The following CUL9 variants were observed in gnomAD, a reference collection of about 807,000 sequenced individuals.
CUL9 encodes cullin 9.
A neutral mutation model predicts 272.6 loss-of-function variants in CUL9; 79 were observed. The observed-to-expected ratio is 0.29, with a 90% confidence interval of 0.24 to 0.35. The LOEUF is 0.35. Among genes scored for constraint, CUL9 ranks in the 10% least tolerant of loss-of-function variants. The pLI, the probability that CUL9 is intolerant of heterozygous loss-of-function variation, is 1.00. For missense variants in CUL9, 2,532 were observed against 3,255.6 expected (o/e 0.78, Z 5.41); for synonymous variants, 1,186 against 1,286.5 (o/e 0.92, Z 1.67).
chr6:43,193,225 T>C lies in CUL9; in HGVS notation c.2388+17T>C. The C allele has an allele frequency of 6.2e-7, 1 of 1,610,942 alleles. No homozygotes were observed. The highest frequency in any genetic ancestry group is 8.5e-7 in the Non-Finnish European group (1 of 1,177,432). On this transcript the variant is annotated intron_variant, in intron 9 of 40. Transcript: ENST00000252050. ...GGGCTGGCGGTGAGTACATTGGGCC[T>C]GGCGGGAGAGAACAATGGGCAAGAC...
Position 43,213,288 on chromosome 6 carries a change from G to A in CUL9, c.5352G>A (p.Gln1784=), listed in dbSNP as rs772518404. 6.2e-7 allele frequency: 1 copy of A among 1,613,842 alleles called. No homozygotes were observed. The highest frequency in any genetic ancestry group is 1.1e-5 in the South Asian group (1 of 91,054). The part of the protein sequence containing the change: ...VQMWLLLKFN[Q]TEEVSVETLL... ...TGTGGCTGCTGCTGAAATTCAATCAGACAGAGGTGCTTCAGCCCTTAGCCT... is the reference window on the plus strand; with the variant it reads ...TGTGGCTGCTGCTGAAATTCAATCAAACAGAGGTGCTTCAGCCCTTAGCCT... Residue 1784 remains glutamine, a synonymous_variant, in exon 27 of 41, where the codon CAG becomes CAA. Transcript: ENST00000252050. This position sits in a 1 kb window ranked among gnomAD's most constrained non-coding sequence, Gnocchi z 5.7.
rs752500691 is a variant in CUL9 at position 43,200,712 on chromosome 6, G to A, written c.3525G>A (p.Val1175=). Residue 1175 remains valine (V), a synonymous_variant, in exon 16 of 41, where the codon GTG becomes GTA. Coordinates refer to ENST00000252050, the MANE Select transcript of CUL9 (RefSeq NM_015089.4). The surrounding 1 kb of genome is among the most constrained non-coding windows in gnomAD (Gnocchi z 4.0). ...KEDKCWEKVE[V]SSNPHRASKL... ...ACAAGTGCTGGGAGAAGGTGGAGGT[G>A]TCCTCCAACCCGCACCGAGCCAGCA... 13 of 1,614,050 alleles carry A rather than the reference G, an allele frequency of 8.1e-6. No individual in the cohort carries two copies. The highest frequency in any genetic ancestry group is 3.3e-5 in the Admixed American group (2 of 60,000).
intron 26 of CUL9, among the ~76,000 whole-genome samples, chr6:43,211,512 C>T (rs924323206): frequency 1.3e-5 from 2 of 152,064 alleles, no homozygotes; most frequent in East Asian, 1.9e-4. Flanking sequence ...GAGCCGGGAT[C>T]GTGCCACTGC....
chr6:43,221,495 C>T lies in CUL9; in HGVS notation c.6752+174C>T. On this transcript the variant is annotated intron_variant, in intron 34 of 40. Transcript: ENST00000252050. This position sits in a 1 kb window ranked among gnomAD's most constrained non-coding sequence, Gnocchi z 4.2. Reference sequence around the variant, plus strand: ...CTGGATCTTAATGTTCCTTCTCCCACTCGTAAGTCCACACTGACTGGGGGA... The same window carrying T: ...CTGGATCTTAATGTTCCTTCTCCCATTCGTAAGTCCACACTGACTGGGGGA... 1.1e-6 allele frequency: 1 copy of T among 902,074 alleles called. No homozygotes were observed. The highest frequency in any genetic ancestry group is 1.7e-6 in the Non-Finnish European group (1 of 605,070). The allele number at this position is 902,074 out of a possible 1,614,324, so 55.9% of individuals were successfully genotyped here.
rs1189885148 is a variant in CUL9 at position 43,218,722 on chromosome 6, G to A, written c.6283-1737G>A. Among the ~76,000 whole-genome samples the A allele has an allele frequency of 2.0e-5, 3 of 152,160 alleles. No homozygotes were observed. Among genetic ancestry groups the A allele is most frequent in the Non-Finnish European group, 2.9e-5 (2 of 68,028 alleles). On this transcript the variant is annotated intron_variant, in intron 31 of 40. Coordinates refer to ENST00000252050, the MANE Select transcript of CUL9 (RefSeq NM_015089.4). This position sits in a 1 kb window ranked among gnomAD's most constrained non-coding sequence, Gnocchi z 4.4. Reference sequence around the variant, plus strand: ...CGGGAGTTGGTGGGTTAAATGTAGGGGCTTCAGACAGGGGAATCAAGGATG... The same window carrying A: ...CGGGAGTTGGTGGGTTAAATGTAGGAGCTTCAGACAGGGGAATCAAGGATG...
At position 43,223,277 on chromosome 6, in the gene CUL9, G is replaced by A. The variant is rs377406362; in HGVS notation, c.7164G>A (p.Leu2388=). The A allele has an allele frequency of 6.3e-7, 1 of 1,598,960 alleles. No individual in the cohort carries two copies. The highest frequency in any genetic ancestry group is 1.3e-5 in the African/African-American group (1 of 74,698). ...ALQILLEETL[L]RCRDLASSLR... is the part of the protein sequence containing the mutation. ...CCCCCTCTGCAGAGGAAACCCTGCT[G>A]CGGTGCAGAGACCTGGCCTCCTCCC... Residue 2388 remains leucine (L), a synonymous_variant, in exon 39 of 41, where the codon CTG becomes CTA. Transcript: ENST00000252050. This position sits in a 1 kb window ranked among gnomAD's most constrained non-coding sequence, Gnocchi z 4.1.
chr6:43,222,003 A>C, intron 35 of CUL9: 1 of 595,934 alleles, frequency 1.7e-6, no homozygotes, highest in Non-Finnish European at 3.0e-6. Flanking sequence ...CGAGGTGGCT[A>C]CAGAAAGGCT....
Position 43,184,543 on chromosome 6 carries a change from G to C in CUL9, c.233G>C (p.Gly78Ala). The C allele has an allele frequency of 6.2e-7, 1 of 1,612,972 alleles. No individual in the cohort carries two copies. Among genetic ancestry groups the C allele is most frequent in the Non-Finnish European group, 8.5e-7 (1 of 1,179,154 alleles). Residue 78 changes from glycine to alanine, a missense_variant, in exon 2 of 41, where the codon GGG (glycine) becomes GCG (alanine). By Grantham distance (60) the Gly-to-Ala change is moderately conservative. Coordinates refer to ENST00000252050, the MANE Select transcript of CUL9 (RefSeq NM_015089.4). This position sits in a 1 kb window ranked among gnomAD's most constrained non-coding sequence, Gnocchi z 4.8. ...CCTGAGGTCTACGCCAACTGCCCTGGGCTGTTAGGTGAGCGGGCACTATCT... is the reference window on the plus strand; with the variant it reads ...CCTGAGGTCTACGCCAACTGCCCTGCGCTGTTAGGTGAGCGGGCACTATCT... ...SAPEVYANCP[G>A]LLGERALSKG...
At chr6:43,193,358 A>G (rs72664268) in intron 9 of CUL9, 150 bp downstream of exon 9, 56,106 of 711,708 alleles carry the variant, frequency 0.079, 4,193 homozygotes, top group East Asian at 0.35. Flanking sequence ...TGATCTGGAC[A>G]TTCTTCGGGA....
chr6:43,196,397 G>A, intron 10 of CUL9, 132 bp downstream of exon 10: 1 of 958,716 alleles, frequency 1.0e-6, no homozygotes, highest in Non-Finnish European at 1.5e-6. Flanking sequence ...TGGTGGCGCT[G>A]CCAACTGTTG....
At position 43,184,540 on chromosome 6, in the gene CUL9, C is replaced by T. The variant is rs1772739733; in HGVS notation, c.230C>T (p.Pro77Leu). Residue 77 changes from proline to leucine, a missense_variant, in exon 2 of 41, where the codon CCT (proline) becomes CTT (leucine). Around this residue, in one of 3 missense-constraint regions of CUL9, gnomAD observed 2,218 missense variants for 2,788.6 expected, o/e 0.80. Coordinates refer to ENST00000252050, the MANE Select transcript of CUL9 (RefSeq NM_015089.4). The surrounding 1 kb of genome is among the most constrained non-coding windows in gnomAD (Gnocchi z 4.8). ...LSAPEVYANC[P>L]GLLGERALSK... ...GCTCCTGAGGTCTACGCCAACTGCC[C>T]TGGGCTGTTAGGTGAGCGGGCACTA... The T allele has an allele frequency of 6.2e-7, 1 of 1,612,872 alleles. No homozygotes were observed. The highest frequency in any genetic ancestry group is 1.7e-5 in the Admixed American group (1 of 59,936).
In CUL9 at chr6:43,186,066, T is replaced by C. The variant is rs777284387; in HGVS notation, c.862T>C (p.Cys288Arg). Residue 288 changes from cysteine (C) to arginine (R), a missense_variant, in exon 4 of 41, where the codon TGT becomes CGT. Coordinates refer to ENST00000252050, the MANE Select transcript of CUL9 (RefSeq NM_015089.4). ...GGGAGCTGGAGACCAAAGCTCCCCA[T>C]GTGCCACAAGAGAGAAAAGCCGGGG... Reference protein sequence around the residue: ...ELGAGDQSSPCATREKSRGQR... With the variant: ...ELGAGDQSSPRATREKSRGQR... 1 of 1,614,234 alleles carries C rather than the reference T, an allele frequency of 6.2e-7. No homozygotes were observed. Among genetic ancestry groups the C allele is most frequent in the South Asian group, 1.1e-5 (1 of 91,084 alleles).
Position 43,224,165 on chromosome 6 carries a change from G to A in CUL9, c.7355G>A (p.Ser2452Asn). Residue 2452 changes from serine to asparagine, a missense_variant, in exon 40 of 41, where the codon AGT (serine) becomes AAT (asparagine). Coordinates refer to ENST00000252050, the MANE Select transcript of CUL9 (RefSeq NM_015089.4). The surrounding 1 kb of genome is among the most constrained non-coding windows in gnomAD (Gnocchi z 4.2). ...GCAAAAGGACCCAACATGCCTGGCA[G>A]TCAGTAAGTGGGGTGGGCAGAGCCA... is the stretch of plus-strand genomic sequence containing the variant. ...WEAKGPNMPG[S>N]QPQASSGPEA... The A allele has an allele frequency of 6.2e-7, 1 of 1,614,246 alleles. No homozygotes were observed. Among genetic ancestry groups the A allele is most frequent in the Non-Finnish European group, 8.5e-7 (1 of 1,180,036 alleles).
chr6:43,207,006 G>A (rs1412837588), intron 26 of CUL9, among the ~76,000 whole-genome samples: 1 of 151,974 alleles, frequency 6.6e-6, no homozygotes, highest in Non-Finnish European at 1.5e-5. Context: ...CACCACACCC[G>A]GCTAATTGTG....
At chr6:43,185,339 T>A (rs1772808003) in intron 2 of CUL9, 117 bp from the exon 3 acceptor site, 2 of 989,734 alleles carry the variant, frequency 2.0e-6, no homozygotes, top group Non-Finnish European at 3.0e-6. Flanking sequence ...TGTATTTCTT[T>A]CTGTGAGCCT....
Position 43,203,754 on chromosome 6 carries a change from A to T in CUL9, c.4026-100A>T. The T allele has an allele frequency of 6.6e-7, 1 of 1,524,090 alleles. No homozygotes were observed. Among genetic ancestry groups the T allele is most frequent in the Non-Finnish European group, 8.8e-7 (1 of 1,130,924 alleles). The allele number at this position is 1,524,090 out of a possible 1,614,324, so 94.4% of individuals were successfully genotyped here. ...TGTGTTAATTGGGAAAAGTTGGGTC[A>T]GGGACCGAACAGGGGTGATTGGGAG... On this transcript the variant is annotated intron_variant, in intron 19 of 40. Transcript: ENST00000252050. The surrounding 1 kb of genome is among the most constrained non-coding windows in gnomAD (Gnocchi z 5.0).
At chr6:43,212,442 C>A (rs1775589342) in intron 26 of CUL9, among the ~76,000 whole-genome samples, 1 of 151,170 alleles carries the variant, frequency 6.6e-6, no homozygotes, top group Admixed American at 6.6e-5. Context: ...TCAAGAGAAA[C>A]CCTTTCACTA....
rs1776328236 is a variant in CUL9, at chr6:43,221,103, C to G, written c.6589-55C>G. The stretch of plus-strand genomic sequence containing the variant: ...CTGCTCCCCTCTCTCCTGTGCACAC[C>G]AGCCATGCTGCCCTCACGGCTCAGC... On this transcript the variant is annotated intron_variant, in intron 33 of 40. Transcript: ENST00000252050. This position sits in a 1 kb window ranked among gnomAD's most constrained non-coding sequence, Gnocchi z 4.2. The G allele has an allele frequency of 5.0e-6, 8 of 1,587,268 alleles. No individual in the cohort carries two copies. In the South Asian group the frequency reaches 9.1e-5, roughly 18 times the overall value.
intron 5 of CUL9, 57 bp from the exon 6 acceptor site, chr6:43,187,189 C>G (rs560171801): frequency 1.0e-5 from 16 of 1,604,918 alleles, no homozygotes; most frequent in Middle Eastern, 1.7e-4. Context: ...CCCTAGGGGT[C>G]CAGAAATAGA....
Sources: gnomAD v4.1 joint callset for allele counts (sites outside exome capture counted in the v4.1 genomes callset) on GRCh38, gnomAD v4.1.1 for gene constraint, gnomAD v4.1.1 regional missense constraint, Gnocchi (gnomAD v3.1) non-coding constraint, MANE v1.5 for transcripts, NCBI Gene and HGNC (gene_info 2026-07-23, HGNC 2026-07-21) for gene names.